AK8: variants seen among roughly 807,000 people sequenced by gnomAD.
The protein encoded by AK8 is ATP-AMP transphosphorylase 8.
Under a neutral mutation model 54.6 loss-of-function variants are expected in AK8, and 44 were observed. The ratio of observed to expected loss-of-function variants is 0.81; its 90% CI spans 0.63 to 1.04. The LOEUF (loss-of-function observed/expected upper bound fraction) is 1.04, where lower values mean the gene tolerates loss of function less well. Among genes scored for constraint, AK8 ranks in the 50% least tolerant of loss-of-function variants. The pLI is 0.00. For synonymous variants in AK8, 239 were observed against 245.6 expected (o/e 0.97, Z 0.25); for missense variants, 555 against 613.6 (o/e 0.90, Z 1.01).
intron 2 of AK8, among the ~76,000 whole-genome samples, chr9:132,871,923 G>T (rs1442303884): frequency 6.6e-6 from 1 of 152,198 alleles, no homozygotes; most frequent in Non-Finnish European, 1.5e-5. Context: ...AATTAAAGCT[G>T]CACACAGAGG....
At chr9:132,855,178 CCTGAATAA>C (rs1843130119) in intron 4 of AK8, among the ~76,000 whole-genome samples, 1 of 152,192 alleles carries the variant, frequency 6.6e-6, no homozygotes, top group South Asian at 2.1e-4. Flanking sequence ...CCCACCTCCA[CCTGAATAA>C]CTCCAGGGCT....
At chr9:132,835,893 G>C (rs2131329686) in intron 5 of AK8, among the ~76,000 whole-genome samples, 1 of 152,332 alleles carries the variant, frequency 6.6e-6, no homozygotes, top group African/African-American at 2.4e-5. Context: ...GGAGGCCGAG[G>C]TGGGTGGATC....
intron 11 of AK8, among the ~76,000 whole-genome samples, chr9:132,745,306 G>A (rs1837589729): frequency 6.6e-6 from 1 of 152,146 alleles, no homozygotes; most frequent in Non-Finnish European, 1.5e-5. Context: ...ATGGGGAACC[G>A]CGGGCTGCCC....
chr9:132,875,016 A>T (rs1486347839), intron 2 of AK8, 99 bp downstream of exon 2: 2 of 1,463,090 alleles, frequency 1.4e-6, no homozygotes, highest in Non-Finnish European at 1.9e-6. Context: ...GGGTTCCTGG[A>T]GAGGAAGAGG....
intron 9 of AK8, among the ~76,000 whole-genome samples, chr9:132,815,558 A>G (rs985747759): frequency 6.6e-6 from 1 of 152,082 alleles, no homozygotes; most frequent in Non-Finnish European, 1.5e-5. Flanking sequence ...GTTTCAAAAA[A>G]AAAAAGAAAA....
intron 4 of AK8, among the ~76,000 whole-genome samples, chr9:132,861,005 T>C (rs1193318384): frequency 6.6e-6 from 1 of 152,236 alleles, no homozygotes; most frequent in African/African-American, 2.4e-5. Context: ...AACCCAAGGC[T>C]AGACTGCCAT....
chr9:132,833,376 A>G (rs922447217), intron 5 of AK8, among the ~76,000 whole-genome samples: 1 of 152,198 alleles, frequency 6.6e-6, no homozygotes. Context: ...ATGGGACATT[A>G]AGACATTCCC....
chr9:132,820,595 C>T (rs1287999528), intron 9 of AK8, among the ~76,000 whole-genome samples: 1 of 152,216 alleles, frequency 6.6e-6, no homozygotes, highest in Non-Finnish European at 1.5e-5. Context: ...AGTTAAATCC[C>T]AGGGTCACAG....
chr9:132,785,484 G>A (rs962990867), intron 11 of AK8, among the ~76,000 whole-genome samples: 1 of 152,224 alleles, frequency 6.6e-6, no homozygotes, highest in Non-Finnish European at 1.5e-5. Flanking sequence ...ATCAAGTCGT[G>A]TTGAAGAGAC....
intron 4 of AK8, among the ~76,000 whole-genome samples, chr9:132,859,669 C>T (rs1021835014): frequency 2.6e-4 from 40 of 151,852 alleles, no homozygotes; most frequent in African/African-American, 8.0e-4. Context: ...CTCCTCGACC[C>T]GGGTCTTCCT....
At chr9:132,857,956 G>A (rs1297072323) in intron 4 of AK8, among the ~76,000 whole-genome samples, 1 of 152,218 alleles carries the variant, frequency 6.6e-6, no homozygotes, top group Non-Finnish European at 1.5e-5. Flanking sequence ...GCAGGAATCA[G>A]CCTCCCTCCT....
intron 5 of AK8, among the ~76,000 whole-genome samples, chr9:132,852,683 T>C (rs554437996): frequency 6.8e-6 from 1 of 146,538 alleles, no homozygotes; most frequent in South Asian, 2.1e-4. Flanking sequence ...GGCATGTGAA[T>C]TGCTTGAACT....
intron 2 of AK8, among the ~76,000 whole-genome samples, chr9:132,871,949 A>G (rs535777730): frequency 2.6e-5 from 4 of 152,346 alleles, no homozygotes; most frequent in Admixed American, 6.5e-5. Context: ...GATCAAAACA[A>G]AGAGATGATT....
At chr9:132,863,643 CT>C (rs1464468467) in intron 4 of AK8, 21 bp downstream of exon 4, 2 of 1,568,650 alleles carry the variant, frequency 1.3e-6, no homozygotes, top group Non-Finnish European at 1.8e-6. Flanking sequence ...GTGCCTACCC[CT>C]GTCCCCGGGG....
intron 11 of AK8, among the ~76,000 whole-genome samples, chr9:132,733,427 TC>T (rs1836953420): frequency 6.6e-6 from 1 of 152,136 alleles, no homozygotes; most frequent in African/African-American, 2.4e-5. Flanking sequence ...GGTTTGGAAA[TC>T]CCTGATAATT....
intron 11 of AK8, among the ~76,000 whole-genome samples, chr9:132,729,878 C>T (rs747834350): frequency 3.9e-5 from 6 of 152,194 alleles, no homozygotes; most frequent in East Asian, 1.9e-4. Flanking sequence ...AGCACCTCTA[C>T]GTGCGGAGAA....
Position 132,828,013 on chromosome 9 carries a change from C to G in AK8, c.556G>C (p.Glu186Gln). The G allele has an allele frequency of 6.4e-7, 1 of 1,562,972 alleles. No homozygotes were observed. The highest frequency in any genetic ancestry group is 8.7e-7 in the Non-Finnish European group (1 of 1,152,584). The change falls in exon 7 of 13, where the codon GAG becomes CAG. Residue 186 changes from glutamate (E) to glutamine (Q), a missense_variant and splice_region_variant. Coordinates refer to ENST00000298545, the MANE Select transcript of AK8 (RefSeq NM_152572.3). ...TGGGTGGGGGTGGCCGTAGCCATAC[C>G]TCCAGTTTGAGGGTCGATTCTCTTC... ...LGKRIDPQTGEIYHTTFDWPP... is the reference protein window; with the variant it reads ...LGKRIDPQTGQIYHTTFDWPP...
chr9:132,805,075 C>G (rs1840655766), intron 10 of AK8, among the ~76,000 whole-genome samples: 1 of 152,194 alleles, frequency 6.6e-6, no homozygotes, highest in Admixed American at 6.5e-5. Context: ...CACTGAGAGA[C>G]CTCCCGACTG....
intron 11 of AK8, among the ~76,000 whole-genome samples, chr9:132,763,029 A>G (rs1838558740): frequency 6.6e-6 from 1 of 152,212 alleles, no homozygotes. Context: ...CCCTTTGGAC[A>G]CCTGCTCACC....
Sources: allele counts gnomAD v4.1 joint callset (sites outside exome capture counted in the v4.1 genomes callset), GRCh38; gene constraint gnomAD v4.1.1; transcripts MANE v1.5; gene names NCBI Gene and HGNC (gene_info 2026-07-23, HGNC 2026-07-21).